The following NEBL variants were observed in gnomAD, a reference collection of about 807,000 sequenced individuals.
NEBL encodes the protein nebulette.
NEBL carries 122 observed loss-of-function variants against 140.2 expected under a neutral mutation model. The observed-to-expected ratio is 0.87, with a 90% CI of 0.75 to 1.01. The LOEUF is 1.01. Ranked by LOEUF, NEBL falls within the 50% of genes least tolerant of loss-of-function variation. The pLI is 0.00. For missense variants in NEBL, 1,365 were observed against 1,231.3 expected (o/e 1.11, Z -1.62); for synonymous variants, 436 against 398.9 (o/e 1.09, Z -1.11).
At chr10:21,049,297 TG>T (rs1834659663) in intron 2 of NEBL, among the ~76,000 whole-genome samples, 1 of 152,232 alleles carries the variant, frequency 6.6e-6, no homozygotes, top group East Asian at 1.9e-4. Context: ...GTTTCTCCTA[TG>T]AGGGTTGCTA....
intron 3 of NEBL, among the ~76,000 whole-genome samples, chr10:20,999,064 T>C (rs541577967): frequency 2.2e-4 from 33 of 152,156 alleles, no homozygotes; most frequent in African/African-American, 6.7e-4. Context: ...CCCAGACTTA[T>C]GTTTGAATTA....
At chr10:21,070,233 T>C (rs202159958) in intron 2 of NEBL, among the ~76,000 whole-genome samples, 2 of 152,292 alleles carry the variant, frequency 1.3e-5, no homozygotes, top group East Asian at 3.9e-4. Context: ...CGTCAGGACC[T>C]CAGTTTTGTG....
intron 9 of NEBL, among the ~76,000 whole-genome samples, chr10:20,853,313 A>G (rs1189662673): frequency 6.6e-6 from 1 of 152,216 alleles, no homozygotes; most frequent in Non-Finnish European, 1.5e-5. Context: ...TGAATTTGGA[A>G]GACACCAAAT....
chr10:21,204,906 C>T (rs116413904), intron 3 of NEBL, among the ~76,000 whole-genome samples: 101 of 152,322 alleles, frequency 6.6e-4, no homozygotes, highest in African/African-American at 2.3e-3. Flanking sequence ...GGGCAGCAGA[C>T]GTGGTTTTTT....
intron 2 of NEBL, among the ~76,000 whole-genome samples, chr10:21,038,318 C>T (rs960154995): frequency 1.3e-5 from 2 of 152,092 alleles, no homozygotes; most frequent in Non-Finnish European, 2.9e-5. Flanking sequence ...AGGTTTTAAG[C>T]CCTGCATGCA....
chr10:21,145,342 C>T (rs1019405562), intron 2 of NEBL, among the ~76,000 whole-genome samples: 1 of 152,138 alleles, frequency 6.6e-6, no homozygotes, highest in African/African-American at 2.4e-5. Flanking sequence ...TTCAATGCAG[C>T]ACTATTTATT....
chr10:21,214,211 A>G (rs1841955914), intron 3 of NEBL, among the ~76,000 whole-genome samples: 1 of 151,826 alleles, frequency 6.6e-6, no homozygotes, highest in East Asian at 1.9e-4. Context: ...TCATGCACAC[A>G]CACAAAAGGC....
At chr10:21,014,389 T>A (rs935314200) in intron 3 of NEBL, among the ~76,000 whole-genome samples, 14 of 152,280 alleles carry the variant, frequency 9.2e-5, no homozygotes, top group African/African-American at 3.4e-4. Flanking sequence ...ATATCCAAAA[T>A]CTGACATGCA....
At chr10:21,011,287 C>G (rs916939484) in intron 3 of NEBL, among the ~76,000 whole-genome samples, 30 of 152,268 alleles carry the variant, frequency 2.0e-4, no homozygotes, top group African/African-American at 7.0e-4. Flanking sequence ...TACAACAGGT[C>G]AGCAACTTAT....
intron 3 of NEBL, among the ~76,000 whole-genome samples, chr10:21,193,307 G>T (rs1165556109): frequency 1.3e-5 from 2 of 152,190 alleles, no homozygotes; most frequent in African/African-American, 4.8e-5. Flanking sequence ...GCTGGAACTG[G>T]ACAGAAAGTT....
intron 2 of NEBL, among the ~76,000 whole-genome samples, chr10:21,162,224 T>C (rs1840587588): frequency 6.6e-6 from 1 of 152,218 alleles, no homozygotes. Context: ...TCCAGGATCC[T>C]CTCAAACTTT....
At chr10:21,232,279 T>C (rs577241363) in intron 3 of NEBL, among the ~76,000 whole-genome samples, 5 of 152,170 alleles carry the variant, frequency 3.3e-5, no homozygotes, top group South Asian at 2.1e-4. Flanking sequence ...CTTTAGATAG[T>C]CCAGAAAAGC....
chr10:21,140,684 G>T (rs191459408), intron 2 of NEBL, among the ~76,000 whole-genome samples: 1 of 152,204 alleles, frequency 6.6e-6, no homozygotes, highest in East Asian at 1.9e-4. Flanking sequence ...TTTTCAACTT[G>T]AATAAATCAA....
At chr10:20,877,246 T>C (rs548640487) in intron 5 of NEBL, among the ~76,000 whole-genome samples, 3 of 152,142 alleles carry the variant, frequency 2.0e-5, no homozygotes, top group African/African-American at 7.2e-5. Flanking sequence ...TCTTCAGAGG[T>C]AGATATCGTT....
In NEBL at chr10:20,894,916, G is replaced by A. The variant is rs191069016; in HGVS notation, c.153+2042C>T. Among the ~76,000 whole-genome samples the A allele has an allele frequency of 9.0e-4, 124 of 138,194 alleles. 1 individual carries two copies. The East Asian group carries it at 0.012, about 13-fold the overall frequency. The allele number at this position is 138,194 out of a possible 152,430, so 90.7% of individuals were successfully genotyped here. A position where few individuals can be genotyped will look rare whatever the true frequency, so the allele number is the denominator to read the frequency against. On this transcript the variant is annotated intron_variant, in intron 2 of 27. Transcript: ENST00000377122. ...TGCCCTCCAGCCTGGGTGATAGAGC[G>A]AGACTCTGTCTAAAAAAAAAAAAAA...
Position 20,818,937 on chromosome 10 carries a change from G to A in NEBL, c.2055+487C>T, listed in dbSNP as rs117367216. ...GTTTTATTAAATCTGGAGATATTCC[G>A]TTTATCATCATCGTTATTATTGCAG... On this transcript the variant is annotated intron_variant, in intron 20 of 27. Coordinates refer to ENST00000377122, the MANE Select transcript of NEBL (RefSeq NM_006393.3). The A allele has an allele frequency of 1.4e-3, 1,328 of 967,256 alleles. 11 individuals are homozygous for A. In the East Asian group the frequency reaches 0.041, roughly 30 times the overall value. 59.9% of individuals were successfully genotyped at this position (967,256 alleles called of 1,614,324 possible).
chr10:20,854,148 C>T (rs148929575), intron 9 of NEBL, among the ~76,000 whole-genome samples: 1 of 152,134 alleles, frequency 6.6e-6, no homozygotes, highest in Admixed American at 6.5e-5. Context: ...AATGGTAGCT[C>T]TTAAAGACTC....
chr10:20,810,847 C>G (rs1195340454), intron 24 of NEBL, among the ~76,000 whole-genome samples: 3 of 152,136 alleles, frequency 2.0e-5, no homozygotes, highest in Non-Finnish European at 2.9e-5. Context: ...GTAGTGCTGA[C>G]CATATGCCAG....
chr10:21,125,569 T>C (rs1838785495), intron 2 of NEBL, among the ~76,000 whole-genome samples: 1 of 152,156 alleles, frequency 6.6e-6, no homozygotes, highest in Non-Finnish European at 1.5e-5. Context: ...AAGCCATCAC[T>C]GTAGAAAAAC....
Sources: allele counts gnomAD v4.1 joint callset (sites outside exome capture counted in the v4.1 genomes callset), GRCh38; gene constraint gnomAD v4.1.1; transcripts MANE v1.5; gene names NCBI Gene and HGNC (gene_info 2026-07-23, HGNC 2026-07-21).